CSMD3: variants seen among roughly 807,000 people sequenced by gnomAD.
CSMD3 encodes CUB and sushi domain-containing protein 3.
Under a neutral mutation model 435.2 loss-of-function variants are expected in CSMD3, and 177 were observed. The observed-to-expected ratio is 0.41, with a 90% CI of 0.36 to 0.46. The LOEUF is 0.46. Ranked by LOEUF, CSMD3 falls within the 20% of genes least tolerant of loss-of-function variation. The probability of loss-of-function intolerance (pLI) is 0.34; values close to 1 mark genes in which losing one functional copy is unlikely to be tolerated. For synonymous variants in CSMD3, 1,656 were observed against 1,520.5 expected (o/e 1.09, Z -2.07); for missense variants, 4,265 against 4,504.6 (o/e 0.95, Z 1.52).
intron 41 of CSMD3, among the ~76,000 whole-genome samples, chr8:112,343,001 T>TTATATATATATATATATATTTATATA (rs34740069): frequency 1.8e-5 from 2 of 109,678 alleles, no homozygotes; most frequent in African/African-American, 7.1e-5. Context: ...ATATATATAT[T>TTATATATATATATATATATTTATATA]TATATATATA....
chr8:112,759,806 T>G (rs1179621386), intron 13 of CSMD3, among the ~76,000 whole-genome samples: 1 of 152,118 alleles, frequency 6.6e-6, no homozygotes, highest in Non-Finnish European at 1.5e-5. Context: ...TAATCTTGAC[T>G]GAAAGAAATC....
chr8:112,319,387 T>C (rs1822777494), intron 46 of CSMD3, among the ~76,000 whole-genome samples: 2 of 152,138 alleles, frequency 1.3e-5, no homozygotes, highest in South Asian at 2.1e-4. Flanking sequence ...AACATTAAGA[T>C]GTCTTCGTAT....
chr8:113,240,021 T>C (rs146527624), intron 3 of CSMD3, among the ~76,000 whole-genome samples: 6 of 152,166 alleles, frequency 3.9e-5, no homozygotes, highest in African/African-American at 1.2e-4. Context: ...CCACCCCCGA[T>C]AGGCCCCAGT....
intron 25 of CSMD3, among the ~76,000 whole-genome samples, chr8:112,555,889 G>A (rs192213902): frequency 6.6e-6 from 1 of 151,824 alleles, no homozygotes; most frequent in Non-Finnish European, 1.5e-5. Context: ...TTATACCTCA[G>A]TACACCTTCT....
intron 10 of CSMD3, among the ~76,000 whole-genome samples, chr8:112,892,589 T>A (rs950644265): frequency 1.3e-5 from 2 of 151,536 alleles, no homozygotes; most frequent in African/African-American, 4.8e-5. Context: ...GAAAGTGCTT[T>A]ATGGAAACAT....
intron 10 of CSMD3, among the ~76,000 whole-genome samples, chr8:112,910,504 A>T (rs1158974033): frequency 6.6e-6 from 1 of 151,624 alleles, no homozygotes; most frequent in East Asian, 2.0e-4. Flanking sequence ...AGGGTCTTTC[A>T]CCTCAAGGGA....
intron 10 of CSMD3, among the ~76,000 whole-genome samples, chr8:112,881,803 C>T (rs939928586): frequency 6.6e-6 from 1 of 151,966 alleles, no homozygotes; most frequent in African/African-American, 2.4e-5. Context: ...GGAACAAATT[C>T]TTCCCGATTA....
chr8:112,984,185 A>G (rs2085160891), intron 6 of CSMD3, among the ~76,000 whole-genome samples: 1 of 151,878 alleles, frequency 6.6e-6, no homozygotes, highest in Admixed American at 6.6e-5. Flanking sequence ...ATATAATTAT[A>G]TATTTGGATA....
chr8:112,587,719 A>C (rs1042132776), intron 22 of CSMD3, among the ~76,000 whole-genome samples: 4 of 151,892 alleles, frequency 2.6e-5, no homozygotes, highest in Non-Finnish European at 5.9e-5. Flanking sequence ...TTTCAATAAT[A>C]AAAAGGGAAT....
intron 20 of CSMD3, among the ~76,000 whole-genome samples, chr8:112,642,331 C>A (rs563710208): frequency 2.8e-4 from 42 of 152,118 alleles, no homozygotes; most frequent in African/African-American, 9.9e-4. Context: ...AGCATCCTGA[C>A]TTCTACAACG....
chr8:113,088,164 C>G (rs1210885942), intron 5 of CSMD3, among the ~76,000 whole-genome samples: 10 of 149,748 alleles, frequency 6.7e-5, no homozygotes, highest in Non-Finnish European at 8.9e-5. Flanking sequence ...AATGAGATAC[C>G]ATCTCACACC....
At chr8:112,783,418 G>A (rs1223500649) in intron 13 of CSMD3, among the ~76,000 whole-genome samples, 1 of 87,098 alleles carries the variant, frequency 1.1e-5, no homozygotes. Flanking sequence ...AGGAAGGAGG[G>A]AGGGAGGGAA....
chr8:113,194,648 G>A (rs1048532449), intron 3 of CSMD3, among the ~76,000 whole-genome samples: 2 of 151,080 alleles, frequency 1.3e-5, no homozygotes, highest in Admixed American at 6.6e-5. Flanking sequence ...GTGTGTAGGC[G>A]AAGGAGATGA....
At chr8:113,255,397 C>T (rs2093371187) in intron 3 of CSMD3, among the ~76,000 whole-genome samples, 1 of 151,894 alleles carries the variant, frequency 6.6e-6, no homozygotes, top group Non-Finnish European at 1.5e-5. Context: ...TTAAAAGGAG[C>T]ATATCTGATG....
chr8:112,904,099 ATGTTTAGCTGGGAACTGTCCTTAT>A (rs1442607943), intron 10 of CSMD3, among the ~76,000 whole-genome samples: 32 of 151,438 alleles, frequency 2.1e-4, no homozygotes, highest in African/African-American at 7.7e-4. Flanking sequence ...CAGAGACATG[ATGTTTAGCTGGGAACTGTCCTTAT>A]GTGGAAAATA....
intron 4 of CSMD3, among the ~76,000 whole-genome samples, chr8:113,102,623 G>A (rs2090362912): frequency 6.6e-6 from 1 of 152,092 alleles, no homozygotes; most frequent in South Asian, 2.1e-4. Flanking sequence ...ATTTCCTGAG[G>A]AAGTGATGCT....
At chr8:112,590,943 A>G (rs895953173) in intron 22 of CSMD3, among the ~76,000 whole-genome samples, 3 of 152,096 alleles carry the variant, frequency 2.0e-5, no homozygotes. Context: ...CTACAAAATA[A>G]TAAATGTAAA....
intron 32 of CSMD3, among the ~76,000 whole-genome samples, chr8:112,467,561 T>C (rs1229054396): frequency 6.6e-6 from 1 of 152,132 alleles, no homozygotes; most frequent in African/African-American, 2.4e-5. Flanking sequence ...GTGGATTGAA[T>C]AGTGTTCCCC....
intron 35 of CSMD3, 90 bp from the exon 36 acceptor site, chr8:112,390,878 T>C: frequency 8.4e-7 from 1 of 1,190,828 alleles, no homozygotes; most frequent in Non-Finnish European, 1.2e-6. Flanking sequence ...CTTAGACAGA[T>C]ACTAGACTTG....
Sources: gnomAD v4.1 joint callset for allele counts (sites outside exome capture counted in the v4.1 genomes callset) on GRCh38, gnomAD v4.1.1 for gene constraint, MANE v1.5 for transcripts, NCBI Gene and HGNC (gene_info 2026-07-23, HGNC 2026-07-21) for gene names.